SSBP2: variants seen among roughly 807,000 people sequenced by gnomAD.
The protein encoded by SSBP2 is single stranded DNA binding protein 2.
SSBP2 carries 17 observed loss-of-function variants against 61.8 expected under a neutral mutation model. The ratio of observed to expected loss-of-function variants is 0.28; its 90% CI spans 0.19 to 0.41. The LOEUF (loss-of-function observed/expected upper bound fraction) is 0.41. Among genes scored for constraint, SSBP2 ranks in the 10% least tolerant of loss-of-function variants. The pLI is 1.00. For missense variants in SSBP2, 310 were observed against 458.7 expected (o/e 0.68, Z 2.96); for synonymous variants, 139 against 141.3 (o/e 0.98, Z 0.12).
At chr5:81,493,763 AAAAT>A (rs1767077456) in intron 5 of SSBP2, among the ~76,000 whole-genome samples, 1 of 151,584 alleles carries the variant, frequency 6.6e-6, no homozygotes, top group African/African-American at 2.4e-5. Context: ...CTCAAAAAAA[AAAAT>A]AAAATAAAAT....
chr5:81,534,496 G>C (rs529237213), intron 4 of SSBP2, among the ~76,000 whole-genome samples: 1 of 152,076 alleles, frequency 6.6e-6, no homozygotes, highest in Non-Finnish European at 1.5e-5. Flanking sequence ...TATGGACAAT[G>C]TAAGGAGAAA....
At chr5:81,605,708 A>G (rs1161768940) in intron 4 of SSBP2, among the ~76,000 whole-genome samples, 4 of 152,056 alleles carry the variant, frequency 2.6e-5, no homozygotes, top group African/African-American at 7.2e-5. Flanking sequence ...AAAAGAAGGG[A>G]AAAACATTTT....
chr5:81,642,815 A>G (rs1366244503), intron 2 of SSBP2, among the ~76,000 whole-genome samples: 2 of 152,252 alleles, frequency 1.3e-5, no homozygotes, highest in Admixed American at 6.5e-5. Flanking sequence ...CTAACAAGTG[A>G]AACAAAAATT....
chr5:81,497,021 G>T (rs1767340769), intron 5 of SSBP2, among the ~76,000 whole-genome samples: 1 of 152,182 alleles, frequency 6.6e-6, no homozygotes, highest in South Asian at 2.1e-4. Flanking sequence ...AAATGTAGTG[G>T]TATTTCAGGT....
At chr5:81,450,953 T>A (rs1763728508) in intron 10 of SSBP2, among the ~76,000 whole-genome samples, 1 of 152,196 alleles carries the variant, frequency 6.6e-6, no homozygotes. Flanking sequence ...AACTTCTACC[T>A]CATCTTAACA....
At chr5:81,522,426 T>C (rs1297927478) in intron 4 of SSBP2, among the ~76,000 whole-genome samples, 1 of 152,070 alleles carries the variant, frequency 6.6e-6, no homozygotes, top group Non-Finnish European at 1.5e-5. Flanking sequence ...CTTTCTGGAA[T>C]GTCTTATTTC....
Position 81,525,888 on chromosome 5 carries a change from G to A in SSBP2, c.283-12171C>T, listed in dbSNP as rs534539393. On this transcript the variant is annotated intron_variant, in intron 4 of 16. Transcript: ENST00000320672. ...CACTTGTTCTGATTGCATAAGCACA[G>A]CACTTCTATTTAAGAAGTTCTTTAA... is the stretch of plus-strand genomic sequence containing the variant. 3.9e-4 allele frequency among the ~76,000 whole-genome samples: 59 copies of A among 152,158 alleles called. 1 individual carries two copies. The highest frequency in any genetic ancestry group is 2.5e-3 in the South Asian group (12 of 4,828).
intron 4 of SSBP2, among the ~76,000 whole-genome samples, chr5:81,566,939 C>A (rs1773465641): frequency 6.6e-6 from 1 of 152,168 alleles, no homozygotes; most frequent in South Asian, 2.1e-4. Context: ...TTTAGTGTAT[C>A]TGACAGAAGA....
chr5:81,719,601 G>A (rs1755409733), intron 1 of SSBP2, among the ~76,000 whole-genome samples: 2 of 152,168 alleles, frequency 1.3e-5, no homozygotes, highest in South Asian at 4.1e-4. Context: ...TTTTCTTTGA[G>A]TGTGATAAAA....
At chr5:81,592,361 G>A (rs1775588834) in intron 4 of SSBP2, among the ~76,000 whole-genome samples, 2 of 152,226 alleles carry the variant, frequency 1.3e-5, no homozygotes, top group Non-Finnish European at 2.9e-5. Flanking sequence ...ACTGGGTGGA[G>A]CCCACCACAG....
intron 4 of SSBP2, among the ~76,000 whole-genome samples, chr5:81,539,685 T>C (rs2972232): frequency 0.7 from 106,160 of 152,048 alleles, 39,009 homozygotes; most frequent in African/African-American, 0.92. Context: ...AGGCAAGACC[T>C]TCCAACAGCA....
intron 5 of SSBP2, among the ~76,000 whole-genome samples, chr5:81,503,023 A>G (rs1360004958): frequency 6.6e-6 from 1 of 152,218 alleles, no homozygotes; most frequent in Non-Finnish European, 1.5e-5. Context: ...GGACATAGAC[A>G]CTTTTCAGAA....
chr5:81,481,112 T>A (rs998077367), intron 6 of SSBP2, among the ~76,000 whole-genome samples: 1 of 152,196 alleles, frequency 6.6e-6, no homozygotes, highest in African/African-American at 2.4e-5. Context: ...TTCACTCAGG[T>A]CTTGAACCTC....
At chr5:81,567,392 G>A (rs77083570) in intron 4 of SSBP2, among the ~76,000 whole-genome samples, 7,608 of 152,272 alleles carry the variant, frequency 0.05, 623 homozygotes, top group African/African-American at 0.17. Flanking sequence ...CCATGGTGTT[G>A]AGCCTGCGGG....
At chr5:81,425,102 G>A (rs1011749016) in intron 16 of SSBP2, among the ~76,000 whole-genome samples, 3 of 152,142 alleles carry the variant, frequency 2.0e-5, no homozygotes, top group African/African-American at 4.8e-5. Flanking sequence ...CTTTTAATGT[G>A]AAATGAGATA....
intron 4 of SSBP2, among the ~76,000 whole-genome samples, chr5:81,548,261 G>A (rs371179130): frequency 6.6e-6 from 1 of 152,084 alleles, no homozygotes. Context: ...AATGTAAACT[G>A]TGGACTTTGG....
chr5:81,665,914 C>T (rs746274205), intron 1 of SSBP2, among the ~76,000 whole-genome samples: 3 of 152,038 alleles, frequency 2.0e-5, no homozygotes, highest in Non-Finnish European at 4.4e-5. Flanking sequence ...GACAAAATGC[C>T]AATAGTTAGC....
intron 4 of SSBP2, among the ~76,000 whole-genome samples, chr5:81,612,557 T>A (rs1745555641): frequency 6.6e-6 from 1 of 152,116 alleles, no homozygotes; most frequent in African/African-American, 2.4e-5. Context: ...TTATTCATTA[T>A]TTACCTCATT....
Position 81,750,785 on chromosome 5 carries a change from C to A in SSBP2, c.62+196G>T, listed in dbSNP as rs1328599076. The A allele has an allele frequency of 6.3e-6, 4 of 631,366 alleles. No individual in the cohort carries two copies. The African/African-American group carries it at 7.7e-5, about 12-fold the overall frequency. The allele number at this position is 631,366 out of a possible 1,614,324, so 39.1% of individuals were successfully genotyped here. ...TCCCGCCGACAGCCCCCTGCGGCCGCCCGCCCAGCGCCCGCACCTCCCGGG... is the reference window on the plus strand; with the variant it reads ...TCCCGCCGACAGCCCCCTGCGGCCGACCGCCCAGCGCCCGCACCTCCCGGG... On this transcript the variant is annotated intron_variant, in intron 1 of 16. Transcript: ENST00000320672.
Sources: gnomAD v4.1 joint callset for allele counts (sites outside exome capture counted in the v4.1 genomes callset) on GRCh38, gnomAD v4.1.1 for gene constraint, MANE v1.5 for transcripts, NCBI Gene and HGNC (gene_info 2026-07-23, HGNC 2026-07-21) for gene names.